Variants in MYO5B observed in about 807,000 individuals in gnomAD.
MYO5B encodes the protein unconventional myosin-Vb.
A neutral mutation model predicts 229.3 loss-of-function variants in MYO5B; 143 were observed. That is an observed-to-expected ratio of 0.62 (90% CI 0.54 to 0.72). The LOEUF (loss-of-function observed/expected upper bound fraction) is 0.72. Ranked by LOEUF, MYO5B falls within the 30% of genes least tolerant of loss-of-function variation. The probability of loss-of-function intolerance (pLI) is 0.00; values close to 1 mark genes in which losing one functional copy is unlikely to be tolerated. For synonymous variants in MYO5B, 918 were observed against 885.2 expected (o/e 1.04, Z -0.66); for missense variants, 2,321 against 2,331.0 (o/e 1.00, Z 0.09).
intron 1 of MYO5B, among the ~76,000 whole-genome samples, chr18:50,115,771 G>T (rs984610103): frequency 4.6e-5 from 7 of 151,382 alleles, no homozygotes; most frequent in African/African-American, 1.7e-4. Context: ...AATTCTTAAG[G>T]ACAGTGTATG....
chr18:49,928,857 T>G (rs112855134), intron 17 of MYO5B, among the ~76,000 whole-genome samples: 8,477 of 152,194 alleles, frequency 0.056, 268 homozygotes, highest in South Asian at 0.15. Flanking sequence ...CTAAGTGAAG[T>G]AACTCAGGAA....
At chr18:49,939,909 CT>C (rs2025294704) in intron 14 of MYO5B, among the ~76,000 whole-genome samples, 1 of 152,172 alleles carries the variant, frequency 6.6e-6, no homozygotes, top group African/African-American at 2.4e-5. Context: ...TCTCCTGAGA[CT>C]TGTAGGAGAT....
intron 12 of MYO5B, among the ~76,000 whole-genome samples, chr18:49,955,826 T>C (rs780878567): frequency 6.6e-6 from 1 of 152,126 alleles, no homozygotes; most frequent in Non-Finnish European, 1.5e-5. Flanking sequence ...CCACCGGGTG[T>C]GAAGGAAGGA....
chr18:50,080,014 A>G lies in MYO5B; in HGVS notation c.28-24636T>C, dbSNP rs571253537. On this transcript the variant is annotated intron_variant, in intron 1 of 39. Coordinates refer to ENST00000285039, the MANE Select transcript of MYO5B (RefSeq NM_001080467.3). ...ATTTTAGTTCAATTGTGGTAAATATAAAGTTTACAATTTAGCCACTTTTAA... is the reference window on the plus strand; with the variant it reads ...ATTTTAGTTCAATTGTGGTAAATATGAAGTTTACAATTTAGCCACTTTTAA... Among the ~76,000 whole-genome samples the G allele has an allele frequency of 5.3e-5, 8 of 152,292 alleles. No individual in the cohort carries two copies. The East Asian group carries it at 7.7e-4, about 15-fold the overall frequency.
chr18:50,091,713 C>A (rs1023387616), intron 1 of MYO5B, among the ~76,000 whole-genome samples: 1 of 152,182 alleles, frequency 6.6e-6, no homozygotes, highest in African/African-American at 2.4e-5. Flanking sequence ...CACCACCACA[C>A]CCTGTTACAT....
At chr18:50,114,171 G>C (rs1211597258) in intron 1 of MYO5B, among the ~76,000 whole-genome samples, 1 of 152,128 alleles carries the variant, frequency 6.6e-6, no homozygotes, top group Non-Finnish European at 1.5e-5. Flanking sequence ...AGTAAACTGA[G>C]ATGCCAGCCA....
chr18:49,855,531 A>C (rs1278535654), intron 30 of MYO5B, among the ~76,000 whole-genome samples: 1 of 152,270 alleles, frequency 6.6e-6, no homozygotes, highest in Non-Finnish European at 1.5e-5. Flanking sequence ...TTGGTGGGAC[A>C]GAAATCTGAT....
At chr18:50,013,690 C>G (rs1273520875) in intron 4 of MYO5B, among the ~76,000 whole-genome samples, 2 of 152,228 alleles carry the variant, frequency 1.3e-5, no homozygotes, top group African/African-American at 4.8e-5. Context: ...TTAGGTAACA[C>G]AGACGACCAA....
intron 20 of MYO5B, 71 bp from the exon 21 acceptor site, chr18:49,902,904 C>T (rs1321383226): frequency 3.2e-6 from 5 of 1,571,034 alleles, no homozygotes; most frequent in Non-Finnish European, 4.3e-6. Flanking sequence ...GCATACATCA[C>T]TGCCTGTGGA....
At position 49,906,436 on chromosome 18, in the gene MYO5B, C is replaced by G. The variant is rs1245798848; in HGVS notation, c.2397G>C (p.Arg799=). 9 of 1,614,100 alleles carry G rather than the reference C, an allele frequency of 5.6e-6. No homozygotes were observed. The highest frequency in any genetic ancestry group is 7.6e-6 in the Non-Finnish European group (9 of 1,180,022). The change falls in exon 19 of 40, where the codon CGG becomes CGC. Residue 799 remains arginine, a synonymous_variant. Coordinates refer to ENST00000285039, the MANE Select transcript of MYO5B (RefSeq NM_001080467.3). ...GATLTLQRYC[R]GHLARRLAEH... is the part of the protein sequence containing the mutation. ...TGGCTCACCTGCGGGCCAGGTGTCC[C>G]CGGCAGTACCTCTGCAGGGTTAAGG...
chr18:49,855,077 G>A (rs1475162615), intron 30 of MYO5B, among the ~76,000 whole-genome samples: 1 of 152,162 alleles, frequency 6.6e-6, no homozygotes, highest in Non-Finnish European at 1.5e-5. Context: ...ATGAAATACA[G>A]CATTTAGATA....
chr18:49,911,773 G>A (rs976397087), intron 18 of MYO5B, among the ~76,000 whole-genome samples: 2 of 152,108 alleles, frequency 1.3e-5, no homozygotes, highest in Non-Finnish European at 1.5e-5. Flanking sequence ...CTGGGTCAGG[G>A]GTCTGCAAGG....
At chr18:49,828,931 C>G (rs141925541) in intron 39 of MYO5B, among the ~76,000 whole-genome samples, 1 of 150,844 alleles carries the variant, frequency 6.6e-6, no homozygotes, top group Non-Finnish European at 1.5e-5. Flanking sequence ...AATCTCAAAT[C>G]AATAACCTAA....
chr18:50,152,618 T>C (rs1192863371), intron 1 of MYO5B, among the ~76,000 whole-genome samples: 1 of 152,146 alleles, frequency 6.6e-6, no homozygotes, highest in Admixed American at 6.5e-5. Flanking sequence ...ACATAAGAAC[T>C]ACAACATGAG....
chr18:49,977,651 GA>G (rs1477263913), intron 9 of MYO5B, among the ~76,000 whole-genome samples: 1 of 152,178 alleles, frequency 6.6e-6, no homozygotes, highest in Admixed American at 6.5e-5. Flanking sequence ...GAAGTGGACT[GA>G]ACACTGCCTG....
intron 33 of MYO5B, 145 bp downstream of exon 33, chr18:49,847,001 G>T (rs2024136583): frequency 1.0e-6 from 1 of 977,996 alleles, no homozygotes; most frequent in Non-Finnish European, 1.6e-6. Flanking sequence ...GGAAGATGGG[G>T]GCAGGTGCAA....
chr18:49,979,172 C>T (rs911332408), intron 9 of MYO5B, among the ~76,000 whole-genome samples: 1 of 152,200 alleles, frequency 6.6e-6, no homozygotes. Context: ...GGCATCACTG[C>T]TGCCAACTCC....
At position 50,058,577 on chromosome 18, in the gene MYO5B, G is replaced by A. The variant is rs376128796; in HGVS notation, c.28-3199C>T. ...TGTAATCCCAGCACTTTGGGAGGCC[G>A]AGGTAGGTGGATCATTTGAGGTCAG... On this transcript the variant is annotated intron_variant, in intron 1 of 39. Coordinates refer to ENST00000285039, the MANE Select transcript of MYO5B (RefSeq NM_001080467.3). Among the ~76,000 whole-genome samples, 10 of 152,348 alleles carry A rather than the reference G, an allele frequency of 6.6e-5. No homozygotes were observed. In the South Asian group the frequency reaches 1.4e-3, roughly 22 times the overall value.
At chr18:50,172,661 A>G (rs908273049) in intron 1 of MYO5B, among the ~76,000 whole-genome samples, 1 of 152,220 alleles carries the variant, frequency 6.6e-6, no homozygotes, top group Non-Finnish European at 1.5e-5. Context: ...AGCACCTTCT[A>G]TGTGCTACAT....
Sources: gnomAD v4.1 joint callset for allele counts (sites outside exome capture counted in the v4.1 genomes callset) on GRCh38, gnomAD v4.1.1 for gene constraint, MANE v1.5 for transcripts, NCBI Gene and HGNC (gene_info 2026-07-23, HGNC 2026-07-21) for gene names.